ATAD2B: variants seen among roughly 807,000 people sequenced by gnomAD.
ATAD2B encodes ATPase family AAA domain containing 2B, also known as ATPase family AAA domain-containing protein 2B.
A neutral mutation model predicts 167.6 loss-of-function variants in ATAD2B; 40 were observed. The observed-to-expected ratio is 0.24, with a 90% CI of 0.19 to 0.31. The LOEUF (loss-of-function observed/expected upper bound fraction) is 0.31, where lower values mean the gene tolerates loss of function less well. Among genes scored for constraint, ATAD2B ranks in the 10% least tolerant of loss-of-function variants. The pLI, the probability that ATAD2B is intolerant of heterozygous loss-of-function variation, is 1.00. For missense variants in ATAD2B, 1,242 were observed against 1,757.2 expected, an observed-to-expected ratio of 0.71 and a Z score of 5.24; for synonymous variants, 579 against 596.5, an observed-to-expected ratio of 0.97 and a Z score of 0.43.
chr2:23,781,430 C>G (rs149319261), intron 22 of ATAD2B, among the ~76,000 whole-genome samples: 1 of 152,008 alleles, frequency 6.6e-6, no homozygotes, highest in Non-Finnish European at 1.5e-5. Flanking sequence ...TTTGGGAGAC[C>G]GAGGCTGGCA....
intron 9 of ATAD2B, 94 bp downstream of exon 9, chr2:23,869,569 G>T (rs1695611992): frequency 1.2e-6 from 1 of 820,508 alleles, no homozygotes; most frequent in Non-Finnish European, 2.0e-6. Context: ...TCTAAAATAT[G>T]TGTTGAATAT....
intron 8 of ATAD2B, among the ~76,000 whole-genome samples, chr2:23,871,817 G>A (rs1050200381): frequency 2.6e-5 from 4 of 151,958 alleles, no homozygotes; most frequent in African/African-American, 4.8e-5. Context: ...TCTACTAATC[G>A]GAATCCTTTC....
chr2:23,885,491 T>G (rs928165606), intron 5 of ATAD2B, among the ~76,000 whole-genome samples: 1 of 152,152 alleles, frequency 6.6e-6, no homozygotes, highest in Non-Finnish European at 1.5e-5. Context: ...AGAATCACAG[T>G]TGCACTTTAA....
At chr2:23,685,632 G>A in the ATAD2B span, among the ~76,000 whole-genome samples, 1 of 152,250 alleles carries the variant, frequency 6.6e-6, no homozygotes, top group Admixed American at 6.5e-5. Flanking sequence ...CCACATGCCG[G>A]CCCTCAGCCT....
chr2:23,877,467 C>T (rs1697044295), intron 7 of ATAD2B, among the ~76,000 whole-genome samples: 1 of 140,066 alleles, frequency 7.1e-6, no homozygotes, highest in Non-Finnish European at 1.5e-5. Context: ...GCACTCCAGC[C>T]TAGGTGACAG....
chr2:23,808,216 T>TATAAAGTAATATATATAATATA (rs1288609415), intron 18 of ATAD2B, among the ~76,000 whole-genome samples: 1 of 140,832 alleles, frequency 7.1e-6, no homozygotes, highest in Non-Finnish European at 1.5e-5. Flanking sequence ...AATATATATA[T>TATAAAGTAATATATATAATATA]ATATAAAGTA....
At position 23,873,738 on chromosome 2, in the gene ATAD2B, T is replaced by A. The variant is rs190535894; in HGVS notation, c.977+2091A>T. On this transcript the variant is annotated intron_variant, in intron 8 of 27. Coordinates refer to ENST00000238789, the MANE Select transcript of ATAD2B (RefSeq NM_017552.4). ...ACCAACTGTACTTGCTAATGTTTCT[T>A]CTCGTAGCTTCAGTAAAAGCCATTA... Among the ~76,000 whole-genome samples the A allele has an allele frequency of 3.2e-4, 49 of 152,358 alleles. No homozygotes were observed. In the East Asian group the frequency reaches 9.0e-3, roughly 28 times the overall value.
intron 18 of ATAD2B, among the ~76,000 whole-genome samples, chr2:23,807,522 G>A (rs889572419): frequency 2.0e-5 from 3 of 152,088 alleles, no homozygotes; most frequent in Non-Finnish European, 4.4e-5. Flanking sequence ...AAATTTTGAA[G>A]TCTACAAGCT....
chr2:23,692,736 A>G, the ATAD2B span, among the ~76,000 whole-genome samples: 11 of 152,158 alleles, frequency 7.2e-5, no homozygotes, highest in Non-Finnish European at 1.5e-4. Flanking sequence ...CTCCCACCCC[A>G]GACCTAGCCA....
chr2:23,776,695 G>C (rs12619525), intron 22 of ATAD2B, among the ~76,000 whole-genome samples: 18,242 of 152,088 alleles, frequency 0.12, 1,174 homozygotes, highest in Middle Eastern at 0.22. Flanking sequence ...ACCAGGTAAC[G>C]TATTTCTAAT....
Position 23,754,109 on chromosome 2 carries a change from T to G in ATAD2B, c.4335+70A>C, listed in dbSNP as rs1341172294. 53 of 1,333,486 alleles carry G rather than the reference T, an allele frequency of 4.0e-5. No homozygotes were observed. The Admixed American group carries it at 1.5e-3, about 38-fold the overall frequency. The allele number at this position is 1,333,486 out of a possible 1,614,324, so 82.6% of individuals were successfully genotyped here. ...GACATAGATGTAGGCAAAATAACTT[T>G]TTTTCCTCTTTTCTTTGGAACAAGT... On this transcript the variant is annotated intron_variant, in intron 27 of 27. Coordinates refer to ENST00000238789, the MANE Select transcript of ATAD2B (RefSeq NM_017552.4).
intron 1 of ATAD2B, among the ~76,000 whole-genome samples, chr2:23,923,564 G>C (rs1269724333): frequency 6.6e-6 from 1 of 151,828 alleles, no homozygotes; most frequent in Non-Finnish European, 1.5e-5. Flanking sequence ...CATGTCTATG[G>C]TGTTGATGCG....
chr2:23,770,084 C>T (rs1020361355), intron 22 of ATAD2B, among the ~76,000 whole-genome samples: 41 of 150,056 alleles, frequency 2.7e-4, no homozygotes, highest in African/African-American at 1.0e-3. Flanking sequence ...CCGAGGCGGG[C>T]GGGTAACCTG....
chr2:23,834,089 A>T lies in ATAD2B; in HGVS notation c.1569-11T>A. 1.3e-6 allele frequency: 2 copies of T among 1,527,658 alleles called. No homozygotes were observed. Among genetic ancestry groups the T allele is most frequent in the Non-Finnish European group, 1.8e-6 (2 of 1,137,910 alleles). The allele number at this position is 1,527,658 out of a possible 1,614,324, so 94.6% of individuals were successfully genotyped here. Reference sequence around the variant, plus strand: ...GTTGATACTATAGAGCTGTAAAATAATTTTCAGGCAAAATTAAAAGAATTG... The same window carrying T: ...GTTGATACTATAGAGCTGTAAAATATTTTTCAGGCAAAATTAAAAGAATTG... On this transcript the variant is annotated splice_polypyrimidine_tract_variant and intron_variant, in intron 13 of 27. Transcript: ENST00000238789.
intron 1 of ATAD2B, among the ~76,000 whole-genome samples, chr2:23,908,368 CA>C: frequency 6.6e-6 from 1 of 152,210 alleles, no homozygotes; most frequent in Admixed American, 6.5e-5. Flanking sequence ...TTTATGCAGC[CA>C]AAAAACACGT....
At chr2:23,885,873 C>A in intron 4 of ATAD2B, 44 bp from the exon 5 acceptor site, 1 of 1,157,578 alleles carries the variant, frequency 8.6e-7, no homozygotes, top group South Asian at 1.4e-5. Context: ...ATGGTGGCAC[C>A]ATATACATAA....
intron 1 of ATAD2B, among the ~76,000 whole-genome samples, chr2:23,897,464 T>C (rs1156543278): frequency 6.6e-6 from 1 of 152,236 alleles, no homozygotes; most frequent in African/African-American, 2.4e-5. Flanking sequence ...CTTGCCATTA[T>C]CAAATACCAC....
chr2:23,901,782 T>C (rs1368632578), intron 1 of ATAD2B, among the ~76,000 whole-genome samples: 1 of 152,168 alleles, frequency 6.6e-6, no homozygotes, highest in East Asian at 1.9e-4. Context: ...GTATGTAACA[T>C]TTCACAAACT....
chr2:23,693,515 C>T, the ATAD2B span: 45 of 1,550,224 alleles, frequency 2.9e-5, no homozygotes, highest in African/African-American at 5.5e-5. Context: ...AAGGACCCCG[C>T]GACACGCACA....
Sources: allele counts gnomAD v4.1 joint callset (sites outside exome capture counted in the v4.1 genomes callset), GRCh38; gene constraint gnomAD v4.1.1; transcripts MANE v1.5; gene names NCBI Gene and HGNC (gene_info 2026-07-23, HGNC 2026-07-21).